Variants in SNX14 observed in about 807,000 individuals in gnomAD.
SNX14 encodes the protein sorting nexin 14, also known as sorting nexin-14.
SNX14 carries 93 observed loss-of-function variants against 133.8 expected under a neutral mutation model. The observed-to-expected ratio is 0.70, with a 90% confidence interval of 0.59 to 0.83. The LOEUF (loss-of-function observed/expected upper bound fraction) is 0.83. SNX14 is among the 40% of genes least tolerant of loss of function. SNX14 has a pLI of 0.00. For missense variants in SNX14, 945 were observed against 1,094.9 expected (o/e 0.86, Z 1.93); for synonymous variants, 368 against 365.6 (o/e 1.01, Z -0.07).
rs1304862179 is a variant in SNX14 at position 85,528,249 on chromosome 6, G to A, written c.1995+13C>T. On this transcript the variant is annotated intron_variant, in intron 20 of 28. Transcript: ENST00000314673. ...ATTAGCAACATTTGGAATTAATACA[G>A]TTGATGTTATACCTGTAGATATTCT... The A allele has an allele frequency of 2.6e-6, 4 of 1,563,020 alleles. No homozygotes were observed. In the Admixed American group the frequency reaches 6.8e-5, roughly 26 times the overall value.
intron 4 of SNX14, chr6:85,568,112 C>A (rs560966153): frequency 6.6e-6 from 1 of 152,204 alleles, no homozygotes; most frequent in African/African-American, 2.4e-5. Flanking sequence ...AAAAATTCCA[C>A]AAATAGAAAA....
chr6:85,565,451 G>A (rs958662751), intron 5 of SNX14, 32 bp from the exon 6 acceptor site: 2 of 1,505,094 alleles, frequency 1.3e-6, no homozygotes, highest in Non-Finnish European at 1.8e-6. Flanking sequence ...ATATTCAGAA[G>A]TTCAGAGAAA....
chr6:85,579,556 C>T (rs574383757), intron 1 of SNX14, among the ~76,000 whole-genome samples: 2 of 152,256 alleles, frequency 1.3e-5, no homozygotes, highest in East Asian at 3.9e-4. Flanking sequence ...TTTCTGCAGC[C>T]CCCAGAAGTG....
intron 12 of SNX14, among the ~76,000 whole-genome samples, chr6:85,546,654 C>T (rs1785600565): frequency 6.6e-6 from 1 of 151,980 alleles, no homozygotes; most frequent in South Asian, 2.1e-4. Flanking sequence ...GAGAAACCCA[C>T]ATATGCTCTT....
chr6:85,568,586 G>A lies in SNX14; in HGVS notation c.418-1009C>T, dbSNP rs542927664. ...CTTCCATTTCTTGGATTTGGGTGTC[G>A]CAGTATGTCATAATTTTTACAAGGA... On this transcript the variant is annotated intron_variant, in intron 4 of 28. Coordinates refer to ENST00000314673, the MANE Select transcript of SNX14 (RefSeq NM_153816.6). 16 of 152,260 alleles carry A rather than the reference G, an allele frequency of 1.1e-4. No individual in the cohort carries two copies. The South Asian group carries it at 2.9e-3, about 28-fold the overall frequency. The allele number at this position is 152,260 out of a possible 1,614,324, so 9.4% of individuals were successfully genotyped here.
intron 1 of SNX14, among the ~76,000 whole-genome samples, chr6:85,578,218 A>C (rs1176453032): frequency 6.6e-6 from 1 of 152,228 alleles, no homozygotes; most frequent in East Asian, 1.9e-4. Flanking sequence ...ACAGTTATAA[A>C]TGAGAGAAAT....
chr6:85,587,822 T>C (rs922923656), intron 1 of SNX14, among the ~76,000 whole-genome samples: 1 of 152,218 alleles, frequency 6.6e-6, no homozygotes, highest in Non-Finnish European at 1.5e-5. Flanking sequence ...TTAGAGAATT[T>C]GAATAGAGCA....
chr6:85,581,943 A>G (rs1043426894), intron 1 of SNX14: 15 of 152,238 alleles, frequency 9.9e-5, no homozygotes, highest in African/African-American at 3.1e-4. Flanking sequence ...GGATAATAAC[A>G]GAGAACATCC....
intron 2 of SNX14, among the ~76,000 whole-genome samples, chr6:85,573,289 G>A (rs572986251): frequency 6.6e-6 from 1 of 152,318 alleles, no homozygotes; most frequent in South Asian, 2.1e-4. Flanking sequence ...AGACCAGCCT[G>A]GCCAACACAG....
At chr6:85,572,722 C>T (rs753678343) in intron 2 of SNX14, among the ~76,000 whole-genome samples, 3 of 152,092 alleles carry the variant, frequency 2.0e-5, no homozygotes, top group East Asian at 1.9e-4. Flanking sequence ...TCTGGGAGAC[C>T]GCGGTGAGTG....
chr6:85,572,564 T>TACCAAAC (rs1268609704), intron 2 of SNX14, among the ~76,000 whole-genome samples, 190 bp from the exon 3 acceptor site: 1 of 151,980 alleles, frequency 6.6e-6, no homozygotes, highest in Non-Finnish European at 1.5e-5. Flanking sequence ...GAGAAAAAAA[T>TACCAAAC]ACCACATGAA....
At position 85,593,728 on chromosome 6, in the gene SNX14, G is replaced by T; in HGVS notation, c.-10C>A. ...GCACCCAGGGCACCATCTCCGTAAC[G>T]GCGAGGCCGAGACTGCGCTACTGGC... On this transcript the variant is annotated 5_prime_UTR_variant, in exon 1 of 29. Coordinates refer to ENST00000314673, the MANE Select transcript of SNX14 (RefSeq NM_153816.6). 6.2e-7 allele frequency: 1 copy of T among 1,613,316 alleles called. No individual in the cohort carries two copies. Among genetic ancestry groups the T allele is most frequent in the South Asian group, 1.1e-5 (1 of 91,058 alleles).
chr6:85,513,795 T>G lies in SNX14; in HGVS notation c.2653+5A>C. ...TGAAATTAAGTTACTTCTTAAATAT[T>G]ACACCTGGAATGTAATTCATCATTT... is the stretch of plus-strand genomic sequence containing the variant. On this transcript the variant is annotated splice_donor_5th_base_variant and intron_variant, in intron 26 of 28. Coordinates refer to ENST00000314673, the MANE Select transcript of SNX14 (RefSeq NM_153816.6). 1.9e-6 allele frequency: 3 copies of G among 1,596,838 alleles called. No homozygotes were observed. The highest frequency in any genetic ancestry group is 2.6e-6 in the Non-Finnish European group (3 of 1,165,678).
At chr6:85,574,118 A>C (rs200509000) in intron 2 of SNX14, 140 bp downstream of exon 2, 19 of 428,474 alleles carry the variant, frequency 4.4e-5, no homozygotes, top group East Asian at 3.8e-4. Context: ...CCTAAAAAAA[A>C]CAAAAAAAAA....
intron 15 of SNX14, among the ~76,000 whole-genome samples, chr6:85,539,273 T>TATGCAG (rs1384727050): frequency 4.6e-5 from 7 of 152,176 alleles, no homozygotes; most frequent in Non-Finnish European, 1.0e-4. Flanking sequence ...CAGTGGAAAG[T>TATGCAG]ATGCAGAGAC....
chr6:85,552,245 C>T (rs572973052), intron 7 of SNX14, among the ~76,000 whole-genome samples: 2 of 151,894 alleles, frequency 1.3e-5, no homozygotes, highest in African/African-American at 4.8e-5. Flanking sequence ...ACCGTTTTAG[C>T]CGGGATGGTC....
chr6:85,570,840 G>A (rs1420669154), intron 4 of SNX14, among the ~76,000 whole-genome samples: 1 of 151,130 alleles, frequency 6.6e-6, no homozygotes, highest in African/African-American at 2.4e-5. Context: ...GTGACAGAGC[G>A]AGATTCCGTC....
intron 21 of SNX14, among the ~76,000 whole-genome samples, chr6:85,520,766 T>G (rs938444698): frequency 1.3e-5 from 2 of 152,220 alleles, no homozygotes; most frequent in African/African-American, 4.8e-5. Flanking sequence ...TTTTGTTTCT[T>G]TCATTCAACA....
chr6:85,531,532 A>G (rs1433074388), intron 18 of SNX14, among the ~76,000 whole-genome samples: 1 of 152,180 alleles, frequency 6.6e-6, no homozygotes, highest in East Asian at 1.9e-4. Context: ...AGCAAATCGT[A>G]GTTTTCTTCA....
Sources: gnomAD v4.1 joint callset for allele counts (sites outside exome capture counted in the v4.1 genomes callset) on GRCh38, gnomAD v4.1.1 for gene constraint, MANE v1.5 for transcripts, NCBI Gene and HGNC (gene_info 2026-07-23, HGNC 2026-07-21) for gene names.